OSBPL2: variants seen among roughly 807,000 people sequenced by gnomAD.
OSBPL2 encodes the protein oxysterol binding protein like 2, also known as oxysterol-binding protein-related protein 2.
A neutral mutation model predicts 58.4 loss-of-function variants in OSBPL2; 18 were observed. The ratio of observed to expected loss-of-function variants is 0.31; its 90% CI spans 0.21 to 0.46. The LOEUF is 0.46. OSBPL2 is among the 20% of genes least tolerant of loss of function. The pLI, the probability that OSBPL2 is intolerant of heterozygous loss-of-function variation, is 1.00. For missense variants in OSBPL2, 461 were observed against 616.5 expected, an observed-to-expected ratio of 0.75 and a Z score of 2.67; for synonymous variants, 221 against 234.1, an observed-to-expected ratio of 0.94 and a Z score of 0.51.
intron 7 of OSBPL2, chr20:62,280,039 C>G (rs1037657583): frequency 2.3e-6 from 3 of 1,304,122 alleles, no homozygotes; most frequent in Non-Finnish European, 3.0e-6. Flanking sequence ...GAGCAAAACA[C>G]AAGTCTCCAA....
At chr20:62,291,630 C>G (rs1049545035) in intron 12 of OSBPL2, 73 bp from the exon 13 acceptor site, 165 of 1,218,230 alleles carry the variant, frequency 1.4e-4, no homozygotes, top group Non-Finnish European at 1.9e-4. Flanking sequence ...AACTAGAGAT[C>G]TAGGTGCATA....
intron 1 of OSBPL2, 133 bp from the exon 2 acceptor site, chr20:62,255,924 G>T (rs1980892216): frequency 2.3e-6 from 1 of 425,970 alleles, no homozygotes. Context: ...TGTTTGTGAT[G>T]TGATAATTTA....
At chr20:62,263,926 G>A (rs1981492538) in intron 4 of OSBPL2, among the ~76,000 whole-genome samples, 2 of 152,072 alleles carry the variant, frequency 1.3e-5, no homozygotes, top group Admixed American at 1.3e-4. Flanking sequence ...TTAGCTGGGC[G>A]TGGTGGAGGG....
At chr20:62,244,585 C>T (rs1333628238) in intron 1 of OSBPL2, among the ~76,000 whole-genome samples, 3 of 152,250 alleles carry the variant, frequency 2.0e-5, no homozygotes, top group Non-Finnish European at 4.4e-5. Flanking sequence ...TACGGAAGCG[C>T]TTGCATTCAT....
chr20:62,251,748 T>C (rs6143006), intron 1 of OSBPL2, among the ~76,000 whole-genome samples: 60,459 of 151,628 alleles, frequency 0.4, 12,918 homozygotes, highest in East Asian at 0.52. Context: ...CCTCCTACCA[T>C]CAGATACTCA....
intron 1 of OSBPL2, among the ~76,000 whole-genome samples, chr20:62,241,087 G>A (rs1279232401): frequency 6.6e-6 from 1 of 152,130 alleles, no homozygotes; most frequent in Non-Finnish European, 1.5e-5. Context: ...GAGAGGTGCT[G>A]TTTGAATGTG....
intron 1 of OSBPL2, among the ~76,000 whole-genome samples, chr20:62,247,580 TCAGGAGGAGGCAGGAGGAGG>T (rs939975579): frequency 1.3e-5 from 2 of 151,894 alleles, no homozygotes; most frequent in Non-Finnish European, 2.9e-5. Flanking sequence ...CTTTGACCTG[TCAGGAGGAGGCAGGAGGAGG>T]CAGGAGGAGG....
chr20:62,266,531 A>T (rs563958662), intron 4 of OSBPL2, among the ~76,000 whole-genome samples: 2 of 151,814 alleles, frequency 1.3e-5, no homozygotes, highest in Admixed American at 6.6e-5. Flanking sequence ...CTCGTTCTGG[A>T]TCTGCAGTGA....
At chr20:62,260,769 C>T (rs1421150165) in intron 3 of OSBPL2, among the ~76,000 whole-genome samples, 1 of 151,720 alleles carries the variant, frequency 6.6e-6, no homozygotes, top group African/African-American at 2.4e-5. Context: ...AGGTGGATCA[C>T]TTGAGCCCAG....
chr20:62,275,433 CTG>C (rs1487808403), intron 6 of OSBPL2, among the ~76,000 whole-genome samples: 1 of 151,414 alleles, frequency 6.6e-6, no homozygotes, highest in Non-Finnish European at 1.5e-5. Flanking sequence ...AGGTCTCACT[CTG>C]TCGCCCAGGC....
intron 3 of OSBPL2, among the ~76,000 whole-genome samples, chr20:62,262,118 T>G (rs570021993): frequency 1.5e-5 from 2 of 135,754 alleles, no homozygotes; most frequent in African/African-American, 5.5e-5. Flanking sequence ...TGCCTAAAAC[T>G]CAGGCAGGAT....
intron 10 of OSBPL2, 76 bp from the exon 11 acceptor site, chr20:62,286,507 G>A (rs759171347): frequency 1.6e-5 from 24 of 1,519,846 alleles, no homozygotes; most frequent in Admixed American, 1.3e-4. Context: ...TCTGAAAGGC[G>A]CTCTGAGAAT....
In OSBPL2 at chr20:62,286,569, G is replaced by A; in HGVS notation, c.997-14G>A. 1 of 1,610,232 alleles carries A rather than the reference G, an allele frequency of 6.2e-7. No homozygotes were observed. The highest frequency in any genetic ancestry group is 8.5e-7 in the Non-Finnish European group (1 of 1,177,374). The stretch of plus-strand genomic sequence containing the variant: ...TGGCCCCGGGCAGCCACACAGCAGG[G>A]TTCTGTGTTTCAGGATGAAGACTCC... On this transcript the variant is annotated splice_polypyrimidine_tract_variant and intron_variant, in intron 10 of 13. Coordinates refer to ENST00000313733, the MANE Select transcript of OSBPL2 (RefSeq NM_144498.4).
At chr20:62,259,700 A>G (rs1268032126) in intron 2 of OSBPL2, among the ~76,000 whole-genome samples, 1 of 152,134 alleles carries the variant, frequency 6.6e-6, no homozygotes, top group Non-Finnish European at 1.5e-5. Context: ...CTGGAAGATG[A>G]AGCTCATGGC....
chr20:62,292,121 C>T (rs571628796), intron 13 of OSBPL2, among the ~76,000 whole-genome samples: 8 of 152,366 alleles, frequency 5.3e-5, no homozygotes, highest in Middle Eastern at 3.4e-3. Flanking sequence ...ACCTCAGACC[C>T]GGGTCTACTG....
chr20:62,247,456 G>T (rs80315165), intron 1 of OSBPL2, among the ~76,000 whole-genome samples: 2,353 of 152,278 alleles, frequency 0.015, 29 homozygotes, highest in Non-Finnish European at 0.023. Context: ...CAGCGGGACC[G>T]CGGGGACTGA....
chr20:62,277,515 C>T (rs1719907898), intron 6 of OSBPL2, among the ~76,000 whole-genome samples: 1 of 152,214 alleles, frequency 6.6e-6, no homozygotes, highest in Non-Finnish European at 1.5e-5. Context: ...CTGCCATGTG[C>T]TGTGTGTCTG....
intron 1 of OSBPL2, among the ~76,000 whole-genome samples, chr20:62,253,505 C>G (rs536750953): frequency 3.9e-5 from 6 of 152,312 alleles, no homozygotes; most frequent in African/African-American, 1.2e-4. Context: ...GTGAGAGCCC[C>G]TGGCGTAGCC....
chr20:62,264,091 T>C (rs973678712), intron 4 of OSBPL2, among the ~76,000 whole-genome samples: 4 of 144,036 alleles, frequency 2.8e-5, no homozygotes, highest in African/African-American at 7.7e-5. Flanking sequence ...AGAAAAAAAA[T>C]GCACTCTCAT....
Sources: allele counts gnomAD v4.1 joint callset (sites outside exome capture counted in the v4.1 genomes callset), GRCh38; gene constraint gnomAD v4.1.1; transcripts MANE v1.5; gene names NCBI Gene and HGNC (gene_info 2026-07-23, HGNC 2026-07-21).